Variants in PCDHA3 observed in about 807,000 individuals in gnomAD.
PCDHA3 encodes the protein protocadherin alpha-3.
PCDHA3 carries 41 observed loss-of-function variants against 62.2 expected under a neutral mutation model. The observed-to-expected ratio is 0.66, with a 90% CI of 0.51 to 0.86. PCDHA3 has a LOEUF of 0.86. Ranked by LOEUF, PCDHA3 falls within the 40% of genes least tolerant of loss-of-function variation. PCDHA3 has a pLI of 0.00. For missense variants in PCDHA3, 1,304 were observed against 1,241.2 expected (o/e 1.05, Z -0.76); for synonymous variants, 640 against 555.4 (o/e 1.15, Z -2.14).
chr5:140,871,098 G>T (rs2052704304), intron 1 of PCDHA3: 4 of 1,613,192 alleles, frequency 2.5e-6, no homozygotes, highest in Non-Finnish European at 3.4e-6. Context: ...CCACCGTGCT[G>T]GTGTCGTTGG....
chr5:140,823,760 C>A, intron 1 of PCDHA3: 2 of 1,613,900 alleles, frequency 1.2e-6, no homozygotes, highest in Non-Finnish European at 1.7e-6. Flanking sequence ...ACAGCCACAG[C>A]CACAGTGCTG....
chr5:140,877,416 G>A (rs368900600), intron 1 of PCDHA3: 32 of 1,613,802 alleles, frequency 2.0e-5, no homozygotes, highest in Non-Finnish European at 2.7e-5. Flanking sequence ...ACCGCCTGCT[G>A]GTGCTGGTGA....
intron 1 of PCDHA3, chr5:140,884,056 G>T (rs782776341): frequency 6.2e-7 from 1 of 1,613,358 alleles, no homozygotes; most frequent in Non-Finnish European, 8.5e-7. Flanking sequence ...AGGTGCGCGC[G>T]GTGGACGCCG....
At chr5:140,861,372 A>C (rs2046882996) in intron 1 of PCDHA3, 3 of 407,054 alleles carry the variant, frequency 7.4e-6, no homozygotes, top group Non-Finnish European at 1.5e-5. Flanking sequence ...CGCGGTCCCT[A>C]TTGCGCAGGA....
chr5:140,928,166 T>G, intron 1 of PCDHA3: 1 of 1,614,142 alleles, frequency 6.2e-7, no homozygotes, highest in South Asian at 1.1e-5. Context: ...TCACCCCCAC[T>G]TAGCACCCGA....
rs115674887 is a variant in PCDHA3, at chr5:140,842,176, T to G, written c.2394+38585T>G. 1,504 of 1,613,900 alleles carry G rather than the reference T, an allele frequency of 9.3e-4. 22 individuals are homozygous for G. The African/African-American group carries it at 0.018, about 19-fold the overall frequency. ...TTTCATATTCTTTTAATAGCCTTGT[T>G]GAAACTATGGTTATTGACCACTTTA... On this transcript the variant is annotated intron_variant, in intron 1 of 3. Transcript: ENST00000522353.
At chr5:140,827,327 G>A (rs2150084598) in intron 1 of PCDHA3, among the ~76,000 whole-genome samples, 1 of 152,306 alleles carries the variant, frequency 6.6e-6, no homozygotes, top group East Asian at 1.9e-4. Flanking sequence ...ACTAGAATTT[G>A]AAGTGGTGAA....
chr5:140,990,808 C>G (rs537926285), intron 3 of PCDHA3, among the ~76,000 whole-genome samples: 18 of 152,212 alleles, frequency 1.2e-4, no homozygotes, highest in Non-Finnish European at 2.4e-4. Context: ...ACAGAAGAAG[C>G]TCCCTTCTCT....
intron 3 of PCDHA3, among the ~76,000 whole-genome samples, chr5:141,001,534 G>A (rs2098024616): frequency 6.6e-6 from 1 of 152,180 alleles, no homozygotes; most frequent in African/African-American, 2.4e-5. Flanking sequence ...CTCTGATCCT[G>A]GACAGGATTT....
chr5:140,962,708 A>G (rs982426662), intron 1 of PCDHA3, among the ~76,000 whole-genome samples: 1 of 152,240 alleles, frequency 6.6e-6, no homozygotes, highest in African/African-American at 2.4e-5. Context: ...CTATAATCAT[A>G]TTGGAAAGTA....
At chr5:140,929,508 A>T in intron 1 of PCDHA3, 1 of 831,408 alleles carries the variant, frequency 1.2e-6, no homozygotes, top group Non-Finnish European at 1.7e-6. Context: ...CCTAGGCCTC[A>T]AGGGACTTAT....
At position 140,870,724 on chromosome 5, in the gene PCDHA3, G is replaced by T. The variant is rs140203389; in HGVS notation, c.2394+67133G>T. 8.1e-4 allele frequency: 1,312 copies of T among 1,613,160 alleles called. 10 individuals carry two copies. In the African/African-American group the frequency reaches 0.014, roughly 18 times the overall value. On this transcript the variant is annotated intron_variant, in intron 1 of 3. Coordinates refer to ENST00000522353, the MANE Select transcript of PCDHA3 (RefSeq NM_018906.3). ...CCAGGTGAGCGCGCGCGATGCGGGC[G>T]TGCCGCCTCTGAGCAGCAACGTGAC...
At chr5:140,848,333 C>T in intron 1 of PCDHA3, 2 of 843,612 alleles carry the variant, frequency 2.4e-6, no homozygotes, top group Non-Finnish European at 1.9e-6. Flanking sequence ...TCTCTGAATC[C>T]AGACAAATAC....
At chr5:140,828,142 G>A in intron 1 of PCDHA3, 2 of 1,613,968 alleles carry the variant, frequency 1.2e-6, no homozygotes, top group African/African-American at 1.3e-5. Flanking sequence ...TGCTCCTCCC[G>A]CTTCTGCTCC....
chr5:140,877,285 G>T lies in PCDHA3; in HGVS notation c.2394+73694G>T, dbSNP rs76220347. 4.6e-3 allele frequency: 7,403 copies of T among 1,613,898 alleles called. 23 individuals carry two copies. Among genetic ancestry groups the T allele is most frequent in the Middle Eastern group, 7.1e-3 (43 of 6,038 alleles). ...GGTGGACGCTGACTCCGGCTATAAC[G>T]CTTGGCTGTCCTACGAGTTGCAACC... On this transcript the variant is annotated intron_variant, in intron 1 of 3. Coordinates refer to ENST00000522353, the MANE Select transcript of PCDHA3 (RefSeq NM_018906.3).
At chr5:140,913,447 CG>C (rs2076342854) in intron 1 of PCDHA3, among the ~76,000 whole-genome samples, 1 of 152,026 alleles carries the variant, frequency 6.6e-6, no homozygotes, top group Non-Finnish European at 1.5e-5. Context: ...TTTTCAGCTC[CG>C]ATTTTATTTA....
intron 1 of PCDHA3, among the ~76,000 whole-genome samples, chr5:140,933,870 T>C (rs2089481018): frequency 6.6e-6 from 1 of 152,092 alleles, no homozygotes. Context: ...CAGATATATG[T>C]TAGTTTTATC....
chr5:140,961,648 G>A (rs367674015), intron 1 of PCDHA3, among the ~76,000 whole-genome samples: 1 of 152,156 alleles, frequency 6.6e-6, no homozygotes, highest in African/African-American at 2.4e-5. Flanking sequence ...AGTCTATGTG[G>A]TTAGTTTGAA....
At chr5:140,840,164 T>C (rs1554137707) in intron 1 of PCDHA3, among the ~76,000 whole-genome samples, 1 of 151,988 alleles carries the variant, frequency 6.6e-6, no homozygotes, top group African/African-American at 2.4e-5. Context: ...AGAGATGGGA[T>C]GTATACAAAT....
Sources: gnomAD v4.1 joint callset for allele counts (sites outside exome capture counted in the v4.1 genomes callset) on GRCh38, gnomAD v4.1.1 for gene constraint, MANE v1.5 for transcripts, NCBI Gene and HGNC (gene_info 2026-07-23, HGNC 2026-07-21) for gene names.